The following AHCYL2 variants were observed in gnomAD, a reference collection of about 807,000 sequenced individuals.
AHCYL2 encodes adenosylhomocysteinase like 2.
In AHCYL2, 28 loss-of-function variants were observed where a neutral mutation model predicts 81.4. The observed-to-expected ratio is 0.34, with a 90% CI of 0.25 to 0.47. The LOEUF (loss-of-function observed/expected upper bound fraction) is 0.47. AHCYL2 is among the 20% of genes least tolerant of loss of function. The probability of loss-of-function intolerance (pLI) is 1.00; values close to 1 mark genes in which losing one functional copy is unlikely to be tolerated. For synonymous variants in AHCYL2, 272 were observed against 290.2 expected, an observed-to-expected ratio of 0.94 and a Z score of 0.64; for missense variants, 551 against 785.1, an observed-to-expected ratio of 0.70 and a Z score of 3.56.
chr7:129,355,238 T>G lies in AHCYL2; in HGVS notation c.364-24400T>G, dbSNP rs576940849. ...AATTTTTGTGCTTTGTTTTAGTGAT[T>G]GCACTGTGTAAAATTGTCCCCAGGT... On this transcript the variant is annotated intron_variant, in intron 1 of 16. Transcript: ENST00000325006. Among the ~76,000 whole-genome samples the G allele has an allele frequency of 8.5e-5, 7 of 82,000 alleles. No homozygotes were observed. The South Asian group carries it at 3.6e-3, about 42-fold the overall frequency. 53.8% of individuals were successfully genotyped at this position (82,000 alleles called of 152,430 possible).
chr7:129,225,031 A>G lies in AHCYL2; in HGVS notation c.-46A>G. 6.4e-7 allele frequency: 1 copy of G among 1,557,180 alleles called. No homozygotes were observed. On this transcript the variant is annotated 5_prime_UTR_variant, in exon 1 of 17. Coordinates refer to ENST00000325006, the MANE Select transcript of AHCYL2 (RefSeq NM_015328.4). ...GGGAGGTGGGAGGCGGGGCCGACCA[A>G]GAGCAGGAGCTGGAGTCTGAGCCGG... is the stretch of plus-strand genomic sequence containing the variant.
chr7:129,335,388 A>AC (rs1415979336), intron 1 of AHCYL2, among the ~76,000 whole-genome samples: 2 of 152,040 alleles, frequency 1.3e-5, no homozygotes, highest in African/African-American at 4.8e-5. Context: ...AAAAAAAAAA[A>AC]ATCCATATTG....
chr7:129,367,587 C>A (rs1324471641), intron 1 of AHCYL2, among the ~76,000 whole-genome samples: 10 of 152,176 alleles, frequency 6.6e-5, no homozygotes, highest in Admixed American at 6.5e-4. Flanking sequence ...TGTGTAAAAT[C>A]CAGCATTGGT....
Position 129,368,098 on chromosome 7 carries a change from A to G in AHCYL2, c.364-11540A>G, listed in dbSNP as rs1361312007. 9.9e-7 allele frequency: 1 copy of G among 1,009,126 alleles called. No homozygotes were observed. Among genetic ancestry groups the G allele is most frequent in the East Asian group, 9.8e-5 (1 of 10,154 alleles). 62.5% of individuals were successfully genotyped at this position (1,009,126 alleles called of 1,614,324 possible). A position where few individuals can be genotyped will look rare whatever the true frequency, so the allele number is the denominator to read the frequency against. ...GACGTGTCCTGAAGGGTGGGAGAGA[A>G]TTCACAAGTGCCTCACACACAGGGA... On this transcript the variant is annotated intron_variant, in intron 1 of 16. Coordinates refer to ENST00000325006, the MANE Select transcript of AHCYL2 (RefSeq NM_015328.4). This position sits in a 1 kb window ranked among gnomAD's most constrained non-coding sequence, Gnocchi z 4.4.
chr7:129,231,689 C>T (rs1794446346), intron 1 of AHCYL2, among the ~76,000 whole-genome samples: 1 of 152,138 alleles, frequency 6.6e-6, no homozygotes, highest in African/African-American at 2.4e-5. Flanking sequence ...GATCAGATTT[C>T]TATGGAATTT....
At chr7:129,389,578 C>A in intron 3 of AHCYL2, 56 bp from the exon 4 acceptor site, 2 of 1,412,804 alleles carry the variant, frequency 1.4e-6, no homozygotes, top group South Asian at 2.5e-5. Context: ...TCTGTTTGTT[C>A]TTTTATCTCT....
chr7:129,394,881 T>TA (rs113751975), intron 4 of AHCYL2, among the ~76,000 whole-genome samples: 7 of 152,318 alleles, frequency 4.6e-5, no homozygotes, highest in African/African-American at 1.2e-4. Context: ...ATCCTGTGTA[T>TA]AAAAAAATAT....
chr7:129,394,162 C>T (rs1284429914), intron 4 of AHCYL2, among the ~76,000 whole-genome samples: 1 of 152,028 alleles, frequency 6.6e-6, no homozygotes, highest in Non-Finnish European at 1.5e-5. Context: ...GCATATACCA[C>T]TATGCCTGGC....
rs142114360 is a variant in AHCYL2, at chr7:129,279,338, T to A, written c.363+53899T>A. Among the ~76,000 whole-genome samples, 998 of 152,016 alleles carry A rather than the reference T, an allele frequency of 6.6e-3. 3 individuals carry two copies. The highest frequency in any genetic ancestry group is 0.017 in the Middle Eastern group (5 of 294). ...CTAATTTTTGTATTTTTAATAGAGATGAGGTTCGCCATGTTGGCCAGGCTG... is the reference window on the plus strand; with the variant it reads ...CTAATTTTTGTATTTTTAATAGAGAAGAGGTTCGCCATGTTGGCCAGGCTG... On this transcript the variant is annotated intron_variant, in intron 1 of 16. Transcript: ENST00000325006.
intron 1 of AHCYL2, among the ~76,000 whole-genome samples, chr7:129,373,946 C>T (rs1332400812): frequency 1.3e-5 from 2 of 152,146 alleles, no homozygotes; most frequent in African/African-American, 4.8e-5. Flanking sequence ...CAATTAATTT[C>T]TGTTTCCATT....
chr7:129,262,320 G>T (rs548989016), intron 1 of AHCYL2, among the ~76,000 whole-genome samples: 19 of 152,200 alleles, frequency 1.2e-4, no homozygotes, highest in African/African-American at 4.3e-4. Context: ...GCTATAGGAG[G>T]AGTCATGAAT....
intron 1 of AHCYL2, among the ~76,000 whole-genome samples, chr7:129,299,369 G>GTTTTTATTTTTTTTTT (rs1797173707): frequency 2.2e-5 from 1 of 46,278 alleles, no homozygotes; most frequent in Non-Finnish European, 3.8e-5. Context: ...AGTCCAACTT[G>GTTTTTATTTTTTTTTT]TTTTTTTTTT....
intron 1 of AHCYL2, among the ~76,000 whole-genome samples, chr7:129,237,307 T>C (rs988444552): frequency 6.6e-5 from 10 of 152,218 alleles, no homozygotes; most frequent in African/African-American, 2.2e-4. Flanking sequence ...ATTTGTAATA[T>C]GAGATAGCTC....
At chr7:129,322,005 A>G (rs1798052313) in intron 1 of AHCYL2, among the ~76,000 whole-genome samples, 1 of 151,384 alleles carries the variant, frequency 6.6e-6, no homozygotes, top group Non-Finnish European at 1.5e-5. Context: ...CAAACTCCTG[A>G]CCTCAGGTGA....
chr7:129,225,700 G>T (rs1323404406), intron 1 of AHCYL2, among the ~76,000 whole-genome samples: 1 of 152,146 alleles, frequency 6.6e-6, no homozygotes, highest in Admixed American at 6.5e-5. Flanking sequence ...GGAATAGGCA[G>T]CGGGAGGAGA....
chr7:129,345,522 A>G (rs149368492), intron 1 of AHCYL2, among the ~76,000 whole-genome samples: 138 of 152,278 alleles, frequency 9.1e-4, no homozygotes, highest in African/African-American at 3.2e-3. Flanking sequence ...ATTAATTAGT[A>G]TATGTCATCA....
At chr7:129,416,127 G>A (rs1796836545) in intron 12 of AHCYL2, among the ~76,000 whole-genome samples, 1 of 151,936 alleles carries the variant, frequency 6.6e-6, no homozygotes, top group South Asian at 2.1e-4. Flanking sequence ...CCTGTGTGTT[G>A]TATTTATTAT....
intron 1 of AHCYL2, among the ~76,000 whole-genome samples, chr7:129,262,371 C>CAA (rs1369938388): frequency 6.6e-6 from 1 of 152,190 alleles, no homozygotes; most frequent in East Asian, 1.9e-4. Context: ...AGTTGAGCTT[C>CAA]TTACCCCTTT....
chr7:129,305,170 T>G (rs1797394691), intron 1 of AHCYL2, among the ~76,000 whole-genome samples: 1 of 152,164 alleles, frequency 6.6e-6, no homozygotes, highest in Non-Finnish European at 1.5e-5. Flanking sequence ...TAATAAAAAC[T>G]TTATACTTAG....
Sources: gnomAD v4.1 joint callset for allele counts (sites outside exome capture counted in the v4.1 genomes callset) on GRCh38, gnomAD v4.1.1 for gene constraint, Gnocchi (gnomAD v3.1) non-coding constraint, MANE v1.5 for transcripts, NCBI Gene and HGNC (gene_info 2026-07-23, HGNC 2026-07-21) for gene names.